The following MLLT10 variants were observed in gnomAD, a reference collection of about 807,000 sequenced individuals.
MLLT10 encodes MLLT10 histone lysine methyltransferase DOT1L cofactor, also known as protein AF-10.
In MLLT10, 30 loss-of-function variants were observed where a neutral mutation model predicts 129.1. The observed-to-expected ratio is 0.23, with a 90% CI of 0.17 to 0.32. The LOEUF (loss-of-function observed/expected upper bound fraction) is 0.32, where lower values mean the gene tolerates loss of function less well. MLLT10 is among the 10% of genes least tolerant of loss of function. The pLI is 1.00. For missense variants in MLLT10, 1,119 were observed against 1,268.3 expected, an observed-to-expected ratio of 0.88 and a Z score of 1.79; for synonymous variants, 490 against 446.4, an observed-to-expected ratio of 1.10 and a Z score of -1.23.
chr10:21,706,850 A>G (rs1386171380), intron 13 of MLLT10, among the ~76,000 whole-genome samples: 2 of 152,040 alleles, frequency 1.3e-5, no homozygotes, highest in Non-Finnish European at 2.9e-5. Context: ...GTTTGTCTCC[A>G]TCTTTTCACA....
chr10:21,587,003 A>C (rs1333980812), intron 4 of MLLT10, among the ~76,000 whole-genome samples: 1 of 149,770 alleles, frequency 6.7e-6, no homozygotes, highest in East Asian at 1.9e-4. Context: ...CTGTTGTTTT[A>C]GATTCTTTTT....
chr10:21,700,928 G>A (rs906250272), intron 13 of MLLT10, among the ~76,000 whole-genome samples: 6 of 152,082 alleles, frequency 3.9e-5, no homozygotes, highest in Non-Finnish European at 7.4e-5. Flanking sequence ...TATACATTTG[G>A]TAGAATTCAG....
intron 13 of MLLT10, among the ~76,000 whole-genome samples, chr10:21,699,042 T>G (rs1401308056): frequency 6.6e-6 from 1 of 152,130 alleles, no homozygotes; most frequent in Non-Finnish European, 1.5e-5. Context: ...GCCCAGCTAA[T>G]TTTTGTACTT....
chr10:21,702,890 T>C (rs1378061410), intron 13 of MLLT10, among the ~76,000 whole-genome samples: 1 of 152,212 alleles, frequency 6.6e-6, no homozygotes, highest in African/African-American at 2.4e-5. Context: ...CTAGTTGATA[T>C]CTTGTAAGTG....
At chr10:21,581,404 A>T (rs535518636) in intron 3 of MLLT10, among the ~76,000 whole-genome samples, 5 of 152,312 alleles carry the variant, frequency 3.3e-5, no homozygotes, top group Admixed American at 6.5e-5. Flanking sequence ...GAAAGATTTT[A>T]AAAAATGCAC....
rs753103091 is a variant in MLLT10, at chr10:21,556,763, T to G, written c.240+17851T>G. The G allele has an allele frequency of 6.2e-6, 10 of 1,605,266 alleles. No individual in the cohort carries two copies. The South Asian group carries it at 1.1e-4, about 18-fold the overall frequency. On this transcript the variant is annotated intron_variant, in intron 3 of 22. Transcript: ENST00000307729. ...CCTGGTGTCTAACGTTCCTCCAGTT[T>G]CTGGTGCTCTGATGCATTGCTTTTG...
At chr10:21,668,475 G>C (rs1048132811) in intron 9 of MLLT10, among the ~76,000 whole-genome samples, 1 of 152,056 alleles carries the variant, frequency 6.6e-6, no homozygotes, top group Non-Finnish European at 1.5e-5. Context: ...CATTGCCTTA[G>C]TTAGTGTCAT....
chr10:21,697,122 AG>A (rs1164393053), intron 13 of MLLT10, among the ~76,000 whole-genome samples: 66 of 148,736 alleles, frequency 4.4e-4, no homozygotes, highest in African/African-American at 7.3e-4. Flanking sequence ...AAAAAAAAAA[AG>A]AGGGAGAATT....
intron 8 of MLLT10, chr10:21,625,966 C>T: frequency 1.2e-6 from 1 of 836,394 alleles, no homozygotes; most frequent in South Asian, 1.3e-5. Flanking sequence ...TTCTAGGTTG[C>T]ACACCAGAGT....
Position 21,556,746 on chromosome 10 carries a change from C to CT in MLLT10, c.240+17835dup, listed in dbSNP as rs1250311922. On this transcript the variant is annotated intron_variant, in intron 3 of 22. Coordinates refer to ENST00000307729, the MANE Select transcript of MLLT10 (RefSeq NM_001195626.3). ...TCTCCCCACCCCCGATGCCTGGTGT[C>CT]TAACGTTCCTCCAGTTTCTGGTGCT... is the stretch of plus-strand genomic sequence containing the variant. The CT allele has an allele frequency of 3.7e-6, 6 of 1,610,522 alleles. No individual in the cohort carries two copies. In the Admixed American group the frequency reaches 8.4e-5, roughly 22 times the overall value.
intron 13 of MLLT10, among the ~76,000 whole-genome samples, chr10:21,700,108 CTT>C (rs79032638): frequency 6.3e-5 from 8 of 126,858 alleles, no homozygotes; most frequent in Admixed American, 7.8e-5. Context: ...TAAATGTATT[CTT>C]TTTTTTTTTT....
rs955986888 is a variant in MLLT10, at chr10:21,636,657, C to G, written c.700-15016C>G. ...TGGTGCGATCTTAGCTCACTGCAAC[C>G]TCTGCCTCCAGGGTGCAAGCCATTC... On this transcript the variant is annotated intron_variant, in intron 8 of 22. Coordinates refer to ENST00000307729, the MANE Select transcript of MLLT10 (RefSeq NM_001195626.3). Among the ~76,000 whole-genome samples, 5 of 152,008 alleles carry G rather than the reference C, an allele frequency of 3.3e-5. No individual in the cohort carries two copies. In the East Asian group the frequency reaches 9.7e-4, roughly 29 times the overall value.
intron 21 of MLLT10, among the ~76,000 whole-genome samples, chr10:21,737,239 G>T (rs1174244862): frequency 1.3e-5 from 2 of 149,032 alleles, no homozygotes; most frequent in Non-Finnish European, 3.0e-5. Flanking sequence ...CAGTTTGGGT[G>T]TGATGAAAGT....
chr10:21,738,771 C>A (rs189015722), intron 21 of MLLT10, among the ~76,000 whole-genome samples: 1 of 152,298 alleles, frequency 6.6e-6, no homozygotes, highest in East Asian at 1.9e-4. Flanking sequence ...ACCACATCAT[C>A]TTGGTGTCTT....
chr10:21,625,802 C>G (rs970504177), intron 8 of MLLT10: 1 of 768,332 alleles, frequency 1.3e-6, no homozygotes, highest in Non-Finnish European at 2.4e-6. Context: ...TTCCTTTCCA[C>G]AGAAAGTGGT....
chr10:21,725,090 G>C (rs1427491146), intron 14 of MLLT10, among the ~76,000 whole-genome samples: 2 of 152,210 alleles, frequency 1.3e-5, no homozygotes. Context: ...AAAGCAGCAG[G>C]CTTCCAAGTC....
At chr10:21,668,898 G>A in intron 9 of MLLT10, 1 of 1,173,716 alleles carries the variant, frequency 8.5e-7, no homozygotes, top group Non-Finnish European at 1.1e-6. Context: ...TTTCTTAGAT[G>A]ACTTTTAAAC....
intron 21 of MLLT10, among the ~76,000 whole-genome samples, chr10:21,737,481 G>A (rs950091476): frequency 1.3e-5 from 2 of 152,158 alleles, no homozygotes; most frequent in Non-Finnish European, 2.9e-5. Context: ...GAGGAGATGA[G>A]AACGGTATTT....
At chr10:21,739,967 C>T in intron 21 of MLLT10, 63 bp from the exon 22 acceptor site, 1 of 1,289,430 alleles carries the variant, frequency 7.8e-7, no homozygotes, top group South Asian at 1.4e-5. Context: ...CATAAGGCAG[C>T]TCATCTGACT....
Sources: gnomAD v4.1 joint callset for allele counts (sites outside exome capture counted in the v4.1 genomes callset) on GRCh38, gnomAD v4.1.1 for gene constraint, MANE v1.5 for transcripts, NCBI Gene and HGNC (gene_info 2026-07-23, HGNC 2026-07-21) for gene names.